Variants in UROC1 observed in about 807,000 individuals in gnomAD.
UROC1 encodes urocanate hydratase.
In UROC1, 79 loss-of-function variants were observed where a neutral mutation model predicts 89.5. That is an observed-to-expected ratio of 0.88 (90% confidence interval 0.74 to 1.06). UROC1 has a LOEUF of 1.06. Ranked by LOEUF, UROC1 falls within the 50% of genes least tolerant of loss-of-function variation. The pLI, the probability that UROC1 is intolerant of heterozygous loss-of-function variation, is 0.00. For missense variants in UROC1, 885 were observed against 907.8 expected (o/e 0.97, Z 0.32); for synonymous variants, 361 against 354.8 (o/e 1.02, Z -0.20).
In UROC1 at chr3:126,500,709, GT is replaced by G. The variant is rs1332111912; in HGVS notation, c.1130del (p.Asp377AlafsTer7). 3.1e-6 allele frequency: 5 copies of G among 1,614,018 alleles called. No homozygotes were observed. Among genetic ancestry groups the G allele is most frequent in the South Asian group, 2.2e-5 (2 of 91,094 alleles). ...LMASNPAVFK[D>X]LVQESLRRQV... ...CCAAGTAGCACCTTTCCTGGACCAGGTCCTTGAACACAGCAGGGTTGGAGGC... is the reference window on the plus strand; with the variant it reads ...CCAAGTAGCACCTTTCCTGGACCAGGCCTTGAACACAGCAGGGTTGGAGGC... On this transcript the variant is annotated frameshift_variant, in exon 11 of 20. Coordinates refer to ENST00000290868, the MANE Select transcript of UROC1 (RefSeq NM_144639.3). LOFTEE classifies it high-confidence loss of function.
chr3:126,516,859 T>C (rs1936341234), intron 1 of UROC1, among the ~76,000 whole-genome samples: 1 of 150,608 alleles, frequency 6.6e-6, no homozygotes, highest in Non-Finnish European at 1.5e-5. Context: ...GGAGGTAGGA[T>C]TCCTCTTTTA....
chr3:126,500,467 C>A (rs1318313045), intron 11 of UROC1, among the ~76,000 whole-genome samples: 1 of 152,082 alleles, frequency 6.6e-6, no homozygotes, highest in Non-Finnish European at 1.5e-5. Flanking sequence ...GGCGCCATGC[C>A]GGGACTACAC....
Position 126,505,976 on chromosome 3 carries a change from A to G in UROC1, c.638T>C (p.Ile213Thr), listed in dbSNP as rs1399464204. 2 of 1,613,076 alleles carry G rather than the reference A, an allele frequency of 1.2e-6. No individual in the cohort carries two copies. The highest frequency in any genetic ancestry group is 1.7e-6 in the Non-Finnish European group (2 of 1,179,848). The change falls in exon 7 of 20, where the codon ATC becomes ACC. Residue 213 changes from isoleucine (I) to threonine (T), a missense_variant. Coordinates refer to ENST00000290868, the MANE Select transcript of UROC1 (RefSeq NM_144639.3). ...GQMTAGSYCYIGPQGIVHGTV... is the reference protein window; with the variant it reads ...GQMTAGSYCYTGPQGIVHGTV... Reference sequence around the variant, plus strand: ...GCCATGAACGATTCCCTGGGGACCGATGTAGCAGTAGCTACCTGCTGTCAT... The same window carrying G: ...GCCATGAACGATTCCCTGGGGACCGGTGTAGCAGTAGCTACCTGCTGTCAT...
At chr3:126,509,447 A>G in intron 3 of UROC1, 138 bp downstream of exon 3, 2 of 819,770 alleles carry the variant, frequency 2.4e-6, no homozygotes, top group South Asian at 1.5e-5. Flanking sequence ...GGGAAGGGCC[A>G]GGGACCTCTC....
At chr3:126,506,035 G>A in intron 6 of UROC1, 24 bp from the exon 7 acceptor site, 3 of 1,613,230 alleles carry the variant, frequency 1.9e-6, no homozygotes, top group South Asian at 2.2e-5. Context: ...GAGAAGCCAA[G>A]CCCAGGGCTC....
Position 126,482,212 on chromosome 3 carries a change from G to T in UROC1, c.*133C>A. The T allele has an allele frequency of 7.4e-7, 1 of 1,349,162 alleles. No individual in the cohort carries two copies. The highest frequency in any genetic ancestry group is 1.8e-5 in the Admixed American group (1 of 54,858). 83.6% of individuals were successfully genotyped at this position (1,349,162 alleles called of 1,614,324 possible). On this transcript the variant is annotated 3_prime_UTR_variant, in exon 20 of 20. Coordinates refer to ENST00000290868, the MANE Select transcript of UROC1 (RefSeq NM_144639.3). ...AGGCTGTGGTGGCACCCTGCACAGG[G>T]CACCATAAGGGCCACGTGAGGATGT...
chr3:126,515,229 C>T lies in UROC1; in HGVS notation c.126+2365G>A, dbSNP rs1268294077. ...AGGCCGCAGGGCCCTCCCTGAGCTC[C>T]GGGGTGAAGTTTGAGGCATTGGCGC... On this transcript the variant is annotated intron_variant, in intron 1 of 19. Transcript: ENST00000290868. 4.6e-5 allele frequency among the ~76,000 whole-genome samples: 7 copies of T among 152,044 alleles called. No individual in the cohort carries two copies. In the East Asian group the frequency reaches 9.7e-4, roughly 21 times the overall value.
chr3:126,493,913 C>T (rs943479240), intron 15 of UROC1, among the ~76,000 whole-genome samples: 9 of 152,192 alleles, frequency 5.9e-5, no homozygotes, highest in Non-Finnish European at 1.2e-4. Flanking sequence ...GCCACGGAAG[C>T]AGCTGTGCAC....
At chr3:126,492,166 G>A (rs1935670184) in intron 16 of UROC1, among the ~76,000 whole-genome samples, 1 of 152,030 alleles carries the variant, frequency 6.6e-6, no homozygotes, top group Non-Finnish European at 1.5e-5. Context: ...GCTGGTCCCA[G>A]GGACCAAAAC....
chr3:126,494,673 C>G (rs138539085), intron 15 of UROC1, among the ~76,000 whole-genome samples: 2 of 152,324 alleles, frequency 1.3e-5, no homozygotes, highest in Non-Finnish European at 2.9e-5. Context: ...TACACCCAGT[C>G]TACTGCCACC....
chr3:126,498,634 G>A (rs1935838353), intron 13 of UROC1, among the ~76,000 whole-genome samples: 1 of 152,056 alleles, frequency 6.6e-6, no homozygotes, highest in African/African-American at 2.4e-5. Context: ...GCACTTGCTA[G>A]GCCAGGGGGT....
chr3:126,512,052 A>C (rs1936207050), intron 1 of UROC1, among the ~76,000 whole-genome samples: 1 of 152,236 alleles, frequency 6.6e-6, no homozygotes, highest in Non-Finnish European at 1.5e-5. Flanking sequence ...GCATGCAATA[A>C]ATATTCTTTT....
chr3:126,499,305 C>A (rs369752556), intron 13 of UROC1, 32 bp downstream of exon 13: 20 of 1,607,094 alleles, frequency 1.2e-5, no homozygotes, highest in Non-Finnish European at 1.4e-5. Flanking sequence ...TGGCACTGGG[C>A]ACACTAGATG....
chr3:126,499,995 G>A, intron 12 of UROC1, 62 bp downstream of exon 12: 1 of 1,515,134 alleles, frequency 6.6e-7, no homozygotes, highest in Non-Finnish European at 9.1e-7. Context: ...AGTGGCACTG[G>A]CCTGAGAGGC....
rs767007946 is a variant in UROC1, at chr3:126,483,359, G to A, written c.1890+10C>T. 1.2e-6 allele frequency: 2 copies of A among 1,611,564 alleles called. No homozygotes were observed. Among genetic ancestry groups the A allele is most frequent in the Non-Finnish European group, 1.7e-6 (2 of 1,179,316 alleles). On this transcript the variant is annotated intron_variant, in intron 19 of 19. Coordinates refer to ENST00000290868, the MANE Select transcript of UROC1 (RefSeq NM_144639.3). ...GCCTTCAGGAGGTGGCAAGGACTGG[G>A]CTGACTTACACCATTGGAGACATCC...
chr3:126,492,705 C>T (rs1395917072), intron 15 of UROC1, among the ~76,000 whole-genome samples, 189 bp from the exon 16 acceptor site: 2 of 152,154 alleles, frequency 1.3e-5, no homozygotes, highest in Non-Finnish European at 2.9e-5. Flanking sequence ...GGTGAGCCCC[C>T]ACATTCAGCC....
rs146789283 is a variant in UROC1 at position 126,505,758 on chromosome 3, C to T, written c.756G>A (p.Met252Ile). 1.9e-6 allele frequency: 3 copies of T among 1,613,788 alleles called. No homozygotes were observed. Among genetic ancestry groups the T allele is most frequent in the African/African-American group, 1.3e-5 (1 of 74,930 alleles). The change falls in exon 8 of 20, where the codon ATG becomes ATA. Residue 252 changes from methionine to isoleucine, a missense_variant. Met to Ile is a conservative substitution (Grantham distance 10). Transcript: ENST00000290868. The stretch of plus-strand genomic sequence containing the variant: ...CTGCGGCCTTGGCCTGAGCCCCACT[C>T]ATTCCGCCGAGCCCAGAGGTGACAA... ...KVFVTSGLGG[M>I]SGAQAKAAVI... is the part of the protein sequence containing the mutation.
chr3:126,484,178 GA>G (rs1278741631), intron 18 of UROC1, among the ~76,000 whole-genome samples: 6 of 152,258 alleles, frequency 3.9e-5, no homozygotes, highest in Non-Finnish European at 7.4e-5. Flanking sequence ...AACAGTTTTT[GA>G]TATGTTCTTG....
intron 18 of UROC1, among the ~76,000 whole-genome samples, chr3:126,485,592 T>A (rs58300401): frequency 0.051 from 5,854 of 114,942 alleles, 383 homozygotes; most frequent in African/African-American, 0.17. Context: ...TCCCCATTTA[T>A]TTATTTATTT....
Sources: gnomAD v4.1 joint callset for allele counts (sites outside exome capture counted in the v4.1 genomes callset) on GRCh38, gnomAD v4.1.1 for gene constraint, MANE v1.5 for transcripts, NCBI Gene and HGNC (gene_info 2026-07-23, HGNC 2026-07-21) for gene names.